GLI3: variants seen among roughly 807,000 people sequenced by gnomAD.
GLI3 encodes transcription activator GLI3.
A neutral mutation model predicts 100.8 loss-of-function variants in GLI3; 20 were observed. The observed-to-expected ratio is 0.20, with a 90% CI of 0.14 to 0.29. The LOEUF is 0.29. Among genes scored for constraint, GLI3 ranks in the 10% least tolerant of loss-of-function variants. The probability of loss-of-function intolerance (pLI) is 1.00; values close to 1 mark genes in which losing one functional copy is unlikely to be tolerated. For missense variants in GLI3, 2,040 were observed against 2,128.5 expected (o/e 0.96, Z 0.82); for synonymous variants, 938 against 860.5 (o/e 1.09, Z -1.58).
intron 2 of GLI3, among the ~76,000 whole-genome samples, chr7:42,167,094 T>C (rs1028148311): frequency 6.6e-6 from 1 of 152,162 alleles, no homozygotes; most frequent in South Asian, 2.1e-4. Flanking sequence ...CCTAAAGTGC[T>C]GGGATTGCAG....
intron 2 of GLI3, among the ~76,000 whole-genome samples, chr7:42,164,221 C>A (rs1787192442): frequency 6.6e-6 from 1 of 152,170 alleles, no homozygotes; most frequent in Non-Finnish European, 1.5e-5. Flanking sequence ...GTGTTGAAAT[C>A]TGTTTAAAGA....
At chr7:41,990,485 C>T (rs1043394843) in intron 10 of GLI3, among the ~76,000 whole-genome samples, 1 of 152,192 alleles carries the variant, frequency 6.6e-6, no homozygotes, top group Non-Finnish European at 1.5e-5. Flanking sequence ...CAACCATACT[C>T]CCTCCACATC....
chr7:42,007,641 C>T (rs1788494973), intron 10 of GLI3, among the ~76,000 whole-genome samples: 2 of 152,056 alleles, frequency 1.3e-5, no homozygotes, highest in African/African-American at 2.4e-5. Context: ...CAGCACAAGA[C>T]TAATTTCTAA....
intron 2 of GLI3, among the ~76,000 whole-genome samples, chr7:42,171,211 T>C (rs1286046689): frequency 1.3e-5 from 2 of 152,368 alleles, no homozygotes; most frequent in South Asian, 4.1e-4. Context: ...TGTGATTTCA[T>C]GGCCTTTTCT....
chr7:42,050,295 T>C (rs1295873278), intron 4 of GLI3, among the ~76,000 whole-genome samples: 1 of 152,158 alleles, frequency 6.6e-6, no homozygotes, highest in Non-Finnish European at 1.5e-5. Flanking sequence ...CACCAGCAAA[T>C]AGCTATTTCT....
intron 2 of GLI3, among the ~76,000 whole-genome samples, chr7:42,183,680 A>G (rs548103917): frequency 2.6e-5 from 4 of 152,320 alleles, no homozygotes; most frequent in East Asian, 1.9e-4. Context: ...GTCCTATATT[A>G]TATCTATATT....
At chr7:42,106,240 C>T (rs1583561987) in intron 3 of GLI3, among the ~76,000 whole-genome samples, 5 of 152,206 alleles carry the variant, frequency 3.3e-5, no homozygotes, top group Admixed American at 2.0e-4. Context: ...GATATCTGCA[C>T]GTCCTCTGAG....
At position 41,967,751 on chromosome 7, in the gene GLI3, G is replaced by A. The variant is rs1787228461; in HGVS notation, c.2276C>T (p.Thr759Ile). The A allele has an allele frequency of 1.9e-6, 3 of 1,614,190 alleles. No individual in the cohort carries two copies. In the East Asian group the frequency reaches 6.7e-5, roughly 36 times the overall value. ...IMDSTISTATTALALQARRNP... is the reference protein window; with the variant it reads ...IMDSTISTATIALALQARRNP... Reference sequence around the variant, plus strand: ...TCTCCTGGCTTGCAAAGCAAGGGCTGTGGTTGCAGTGGAAATGGTTGAGTC... The same window carrying A: ...TCTCCTGGCTTGCAAAGCAAGGGCTATGGTTGCAGTGGAAATGGTTGAGTC... The change falls in exon 14 of 15, where the codon ACA becomes ATA. Residue 759 changes from threonine to isoleucine, a missense_variant. By Grantham distance (89) the Thr-to-Ile change is moderately conservative. Transcript: ENST00000395925.
At chr7:42,089,977 C>G (rs997497904) in intron 3 of GLI3, among the ~76,000 whole-genome samples, 1 of 152,128 alleles carries the variant, frequency 6.6e-6, no homozygotes, top group Non-Finnish European at 1.5e-5. Context: ...TACTACACGC[C>G]CATGCTGTAT....
chr7:42,012,876 C>T (rs761618374), intron 10 of GLI3, among the ~76,000 whole-genome samples: 1 of 152,158 alleles, frequency 6.6e-6, no homozygotes. Context: ...ACTCTCCCTG[C>T]CCCCAGGAAA....
At chr7:42,040,311 C>T in intron 6 of GLI3, 72 bp from the exon 7 acceptor site, 2 of 1,141,940 alleles carry the variant, frequency 1.8e-6, no homozygotes, top group Admixed American at 3.4e-5. Flanking sequence ...TGCTACTTGC[C>T]TACGTGGAAG....
At chr7:42,041,070 G>A (rs1294586768) in intron 6 of GLI3, among the ~76,000 whole-genome samples, 1 of 152,190 alleles carries the variant, frequency 6.6e-6, no homozygotes, top group Non-Finnish European at 1.5e-5. Flanking sequence ...TGGGGATGTT[G>A]CTTGTTTACA....
intron 7 of GLI3, among the ~76,000 whole-genome samples, chr7:42,032,654 T>G (rs1366683922): frequency 6.6e-6 from 1 of 152,194 alleles, no homozygotes; most frequent in African/African-American, 2.4e-5. Context: ...TATACTGGAT[T>G]CCTTAACAAT....
chr7:42,187,210 CAAA>C (rs5883817), intron 2 of GLI3, among the ~76,000 whole-genome samples: 9 of 116,842 alleles, frequency 7.7e-5, no homozygotes, highest in Admixed American at 2.7e-4. Flanking sequence ...GACCCTGTCT[CAAA>C]AAAAAAAAAA....
chr7:42,247,508 CAAAGTTACAGAAAGGAAG>C (rs1309661312), intron 1 of GLI3, among the ~76,000 whole-genome samples: 1 of 152,214 alleles, frequency 6.6e-6, no homozygotes, highest in East Asian at 1.9e-4. Context: ...TCAAAGCCAA[CAAAGTTACAGAAAGGAAG>C]AATGCAAAAT....
chr7:42,152,008 GT>G (rs1330586573), intron 2 of GLI3: 1 of 152,230 alleles, frequency 6.6e-6, no homozygotes, highest in African/African-American at 2.4e-5. Flanking sequence ...ACACGCACTT[GT>G]GGGCGCTTGC....
chr7:42,176,449 T>C (rs1004827309), intron 2 of GLI3, among the ~76,000 whole-genome samples: 14 of 152,162 alleles, frequency 9.2e-5, no homozygotes, highest in Admixed American at 3.3e-4. Flanking sequence ...TCTCTTTCTC[T>C]CCAGGGGCCT....
intron 2 of GLI3, among the ~76,000 whole-genome samples, chr7:42,179,008 T>C (rs1485361791): frequency 6.6e-6 from 1 of 152,098 alleles, no homozygotes; most frequent in African/African-American, 2.4e-5. Flanking sequence ...GCAGTATGGC[T>C]GGTGATATGG....
chr7:41,979,518 G>C (rs1454812007), intron 10 of GLI3, among the ~76,000 whole-genome samples: 1 of 152,088 alleles, frequency 6.6e-6, no homozygotes, highest in Non-Finnish European at 1.5e-5. Context: ...ACCAATTCAT[G>C]GTTTTAGAAT....
Sources: gnomAD v4.1 joint callset for allele counts (sites outside exome capture counted in the v4.1 genomes callset) on GRCh38, gnomAD v4.1.1 for gene constraint, MANE v1.5 for transcripts, NCBI Gene and HGNC (gene_info 2026-07-23, HGNC 2026-07-21) for gene names.